Variants in RADIL observed in about 807,000 individuals in gnomAD.
The protein encoded by RADIL is ras-associating and dilute domain-containing protein.
A neutral mutation model predicts 97.6 loss-of-function variants in RADIL; 99 were observed. The observed-to-expected ratio is 1.01, with a 90% CI of 0.86 to 1.20. RADIL has a LOEUF of 1.20. RADIL is among the 50% of genes most tolerant of loss of function. RADIL has a pLI of 0.00. For missense variants in RADIL, 1,765 were observed against 1,498.9 expected (o/e 1.18, Z -2.93); for synonymous variants, 803 against 691.8 (o/e 1.16, Z -2.52).
In RADIL at chr7:4,817,199, A is replaced by G. The variant is rs766199612; in HGVS notation, c.1728+40T>C. 1 of 1,558,634 alleles carries G rather than the reference A, an allele frequency of 6.4e-7. No homozygotes were observed. Among genetic ancestry groups the G allele is most frequent in the South Asian group, 1.1e-5 (1 of 87,426 alleles). ...ACAAGCTTGAGCCCCACTTGATCCCAGGAGCTGCCTGAGTGCAGAAGCAGA... is the reference window on the plus strand; with the variant it reads ...ACAAGCTTGAGCCCCACTTGATCCCGGGAGCTGCCTGAGTGCAGAAGCAGA... On this transcript the variant is annotated intron_variant, in intron 7 of 14. Transcript: ENST00000399583. This position sits in a 1 kb window ranked among gnomAD's most constrained non-coding sequence, Gnocchi z 8.3.
intron 2 of RADIL, chr7:4,861,083 CCTA>C: frequency 6.2e-7 from 1 of 1,614,204 alleles, no homozygotes; most frequent in Non-Finnish European, 8.5e-7. Context: ...TCCGAGGAAA[CCTA>C]ATATATTGGA....
chr7:4,857,537 T>C (rs1231695773), intron 2 of RADIL, among the ~76,000 whole-genome samples: 1 of 152,222 alleles, frequency 6.6e-6, no homozygotes, highest in Non-Finnish European at 1.5e-5. Context: ...TCTTCTGGAT[T>C]CAGCTTAACT....
rs142280836 is a variant in RADIL, at chr7:4,799,056, G to A, written c.*322C>T. The stretch of plus-strand genomic sequence containing the variant: ...CATGGGGAGCCCCTGCGGCCCCTCC[G>A]AGCAGCCCACGCCTGCTGCCCGAGT... On this transcript the variant is annotated 3_prime_UTR_variant, in exon 15 of 15. Transcript: ENST00000399583. 8.1e-5 allele frequency: 26 copies of A among 319,080 alleles called. No homozygotes were observed. Among genetic ancestry groups the A allele is most frequent in the African/African-American group, 4.1e-4 (19 of 46,326 alleles). 19.8% of individuals were successfully genotyped at this position (319,080 alleles called of 1,614,324 possible). A position where few individuals can be genotyped will look rare whatever the true frequency, so the allele number is the denominator to read the frequency against.
intron 4 of RADIL, among the ~76,000 whole-genome samples, chr7:4,833,296 G>A (rs990975818): frequency 2.0e-5 from 3 of 152,224 alleles, no homozygotes; most frequent in East Asian, 1.9e-4. Context: ...AGTGCCTGGC[G>A]CAGAGGAGAC....
At chr7:4,816,066 C>T (rs996959515) in intron 8 of RADIL, among the ~76,000 whole-genome samples, 162 bp downstream of exon 8, 1 of 152,150 alleles carries the variant, frequency 6.6e-6, no homozygotes, top group African/African-American at 2.4e-5. Flanking sequence ...TGATCTGTCC[C>T]CCCTCACTCT....
At chr7:4,843,317 G>A (rs367670736) in intron 2 of RADIL, among the ~76,000 whole-genome samples, 11 of 151,966 alleles carry the variant, frequency 7.2e-5, no homozygotes, top group East Asian at 5.8e-4. Context: ...CCGGCCAAGA[G>A]ATGATTTTAA....
intron 5 of RADIL, among the ~76,000 whole-genome samples, chr7:4,829,684 T>G (rs1783087220): frequency 6.6e-6 from 1 of 152,042 alleles, no homozygotes; most frequent in Non-Finnish European, 1.5e-5. Context: ...GGCGGGTCTT[T>G]GCCATGCTGT....
At chr7:4,826,385 A>G (rs1223096384) in intron 5 of RADIL, among the ~76,000 whole-genome samples, 1 of 152,140 alleles carries the variant, frequency 6.6e-6, no homozygotes, top group Non-Finnish European at 1.5e-5. Flanking sequence ...GAAGATATTA[A>G]TATTTTCAGA....
intron 9 of RADIL, among the ~76,000 whole-genome samples, chr7:4,806,319 AGTT>A: frequency 6.7e-6 from 1 of 149,660 alleles, no homozygotes; most frequent in Non-Finnish European, 1.5e-5. Flanking sequence ...CCAGCTCATT[AGTT>A]TTTTGTTTTT....
chr7:4,816,649 G>A (rs1420471195), intron 7 of RADIL, among the ~76,000 whole-genome samples, 184 bp from the exon 8 acceptor site: 8 of 152,190 alleles, frequency 5.3e-5, no homozygotes, highest in East Asian at 1.9e-4. Context: ...CACAGGAGCT[G>A]CCTCCTGGGG....
At chr7:4,843,003 ATT>A (rs376252570) in intron 2 of RADIL, among the ~76,000 whole-genome samples, 17 of 127,302 alleles carry the variant, frequency 1.3e-4, no homozygotes, top group Middle Eastern at 3.9e-3. Context: ...GCAAGAGACA[ATT>A]TTTTTTTTTT....
rs890463502 is a variant in RADIL at position 4,821,465 on chromosome 7, T to C, written c.1615+929A>G. ...CATGAGCCGAAATCCTACCCCGGCT[T>C]CCGGGCCCGGCCCCATGCCACCTTC... On this transcript the variant is annotated intron_variant, in intron 6 of 14. Coordinates refer to ENST00000399583, the MANE Select transcript of RADIL (RefSeq NM_018059.5). The surrounding 1 kb of genome is among the most constrained non-coding windows in gnomAD (Gnocchi z 5.2). Among the ~76,000 whole-genome samples the C allele has an allele frequency of 2.5e-4, 38 of 152,038 alleles. No homozygotes were observed. Among genetic ancestry groups the C allele is most frequent in the African/African-American group, 8.2e-4 (34 of 41,404 alleles).
At chr7:4,826,125 T>C (rs1782969077) in intron 5 of RADIL, among the ~76,000 whole-genome samples, 1 of 150,532 alleles carries the variant, frequency 6.6e-6, no homozygotes, top group African/African-American at 2.4e-5. Context: ...GGGGGATCAC[T>C]TGAGCCCAGG....
At chr7:4,850,416 C>A (rs1056490063) in intron 2 of RADIL, among the ~76,000 whole-genome samples, 1 of 152,172 alleles carries the variant, frequency 6.6e-6, no homozygotes, top group Non-Finnish European at 1.5e-5. Context: ...AGAAGAGATT[C>A]TGCAGATATA....
At chr7:4,820,756 C>T (rs893295967) in intron 6 of RADIL, among the ~76,000 whole-genome samples, 7 of 152,176 alleles carry the variant, frequency 4.6e-5, no homozygotes, top group Admixed American at 2.0e-4. Flanking sequence ...CTGTTCCACG[C>T]GCCCTCAGTC....
Position 4,813,773 on chromosome 7 carries a change from G to C in RADIL, c.2139+1505C>G, listed in dbSNP as rs1782606666. 1.3e-5 allele frequency among the ~76,000 whole-genome samples: 2 copies of C among 152,186 alleles called. No homozygotes were observed. The highest frequency in any genetic ancestry group is 2.9e-5 in the Non-Finnish European group (2 of 68,036). On this transcript the variant is annotated intron_variant, in intron 9 of 14. Coordinates refer to ENST00000399583, the MANE Select transcript of RADIL (RefSeq NM_018059.5). This position sits in a 1 kb window ranked among gnomAD's most constrained non-coding sequence, Gnocchi z 5.0. The stretch of plus-strand genomic sequence containing the variant: ...CCGGCTGTGCGGGCTGTCCTCAGTG[G>C]AACTGCAGGCTCAGCTGCTCCATCC...
In RADIL at chr7:4,803,582, CCTGCCAGGG is replaced by C; in HGVS notation, c.2454_2462del (p.Ser818_Gly820del). The stretch of plus-strand genomic sequence containing the variant: ...CTGGCTGGGAGGCCCCACTGCCAGG[CCTGCCAGGG>C]CTGCCGGGGCTGGCTCTGCTCCGCA... On this transcript the variant is annotated inframe_deletion, in exon 11 of 15. Transcript: ENST00000399583. The C allele has an allele frequency of 2.0e-6, 3 of 1,535,042 alleles. No individual in the cohort carries two copies. Among genetic ancestry groups the C allele is most frequent in the Non-Finnish European group, 2.6e-6 (3 of 1,144,498 alleles).
At chr7:4,802,146 A>C in intron 11 of RADIL, 151 bp from the exon 12 acceptor site, 1 of 653,292 alleles carries the variant, frequency 1.5e-6, no homozygotes. Context: ...TGAGACGCGC[A>C]AGAGGCAAAG....
Position 4,877,879 on chromosome 7 carries a change from G to A in RADIL, c.261C>T (p.Ser87=), listed in dbSNP as rs1479376679. ...HYKSVLATGT[S]SARELVKEAL... Reference sequence around the variant, plus strand: ...CCTCCTTCACCAGCTCACGGGCGCTGGAGGTGCCGGTGGCCAGGACGCTCT... The same window carrying A: ...CCTCCTTCACCAGCTCACGGGCGCTAGAGGTGCCGGTGGCCAGGACGCTCT... The change falls in exon 2 of 15, where the codon TCC becomes TCT. Residue 87 remains serine, a synonymous_variant. Transcript: ENST00000399583. The A allele has an allele frequency of 1.9e-6, 3 of 1,605,576 alleles. No individual in the cohort carries two copies. In the East Asian group the frequency reaches 6.7e-5, roughly 36 times the overall value.
Sources: gnomAD v4.1 joint callset for allele counts (sites outside exome capture counted in the v4.1 genomes callset) on GRCh38, gnomAD v4.1.1 for gene constraint, Gnocchi (gnomAD v3.1) non-coding constraint, MANE v1.5 for transcripts, NCBI Gene and HGNC (gene_info 2026-07-23, HGNC 2026-07-21) for gene names.